Variants in PLCH1 observed in about 807,000 individuals in gnomAD.
The protein encoded by PLCH1 is 1-phosphatidylinositol 4,5-bisphosphate phosphodiesterase eta-1.
PLCH1 carries 60 observed loss-of-function variants against 126.7 expected under a neutral mutation model. That is an observed-to-expected ratio of 0.47 (90% CI 0.38 to 0.59). The LOEUF (loss-of-function observed/expected upper bound fraction) is 0.59. PLCH1 is among the 20% of genes least tolerant of loss of function. The pLI is 0.00. For missense variants in PLCH1, 1,723 were observed against 2,040.0 expected, an observed-to-expected ratio of 0.84 and a Z score of 2.99; for synonymous variants, 719 against 734.9, an observed-to-expected ratio of 0.98 and a Z score of 0.35.
At chr3:155,590,127 G>C (rs1348820500) in intron 4 of PLCH1, among the ~76,000 whole-genome samples, 1 of 152,130 alleles carries the variant, frequency 6.6e-6, no homozygotes, top group Non-Finnish European at 1.5e-5. Context: ...AGACTGGATG[G>C]ATTTTCTCAT....
intron 8 of PLCH1, among the ~76,000 whole-genome samples, chr3:155,561,070 A>G (rs1159054680): frequency 6.6e-6 from 1 of 151,986 alleles, no homozygotes; most frequent in Non-Finnish European, 1.5e-5. Flanking sequence ...TTTGAAGCTT[A>G]TTCTATCCAG....
rs1731334348 is a variant in PLCH1, at chr3:155,586,115, G to T, written c.550C>A (p.His184Asn). Residue 184 changes from histidine to asparagine, a missense_variant, in exon 5 of 23, where the codon CAT becomes AAT. Coordinates refer to ENST00000460012, the MANE Select transcript of PLCH1 (RefSeq NM_014996.4). ...LNIEEIHQLM[H>N]KLNVNLPRRK... ...CGGGGCAGATTAACATTCAGTTTAT[G>T]CATCAGCTGATGTATCTCTTCAATA... The T allele has an allele frequency of 1.2e-6, 2 of 1,612,690 alleles. No individual in the cohort carries two copies. The highest frequency in any genetic ancestry group is 2.7e-5 in the African/African-American group (2 of 74,890).
chr3:155,619,399 A>T (rs1455448077), intron 2 of PLCH1, among the ~76,000 whole-genome samples: 1 of 151,724 alleles, frequency 6.6e-6, no homozygotes, highest in African/African-American at 2.4e-5. Context: ...TACTCCAACA[A>T]ATTCATATAC....
intron 7 of PLCH1, among the ~76,000 whole-genome samples, chr3:155,565,655 C>T (rs1728247634): frequency 6.6e-6 from 1 of 151,704 alleles, no homozygotes; most frequent in Non-Finnish European, 1.5e-5. Context: ...TACCTAGCCT[C>T]GGGTATTTCT....
At chr3:155,637,630 CA>C (rs1279957442) in intron 2 of PLCH1, among the ~76,000 whole-genome samples, 6 of 152,172 alleles carry the variant, frequency 3.9e-5, no homozygotes, top group African/African-American at 1.4e-4. Context: ...TTTATTTCCT[CA>C]GACAGCAAAT....
chr3:155,594,208 C>G, intron 3 of PLCH1, 24 bp from the exon 4 acceptor site: 1 of 1,602,830 alleles, frequency 6.2e-7, no homozygotes, highest in Non-Finnish European at 8.5e-7. Context: ...GAGATACACA[C>G]AGTTATACAG....
Position 155,480,608 on chromosome 3 carries a change from A to G in PLCH1, c.*360T>C, listed in dbSNP as rs1335213691. ...CTCTTAATCAACTCAACAGTTAGAG[A>G]GTAAAAATGACTACATTTGTGACTG... On this transcript the variant is annotated 3_prime_UTR_variant, in exon 23 of 23. Transcript: ENST00000460012. 5.5e-6 allele frequency: 1 copy of G among 182,022 alleles called. No individual in the cohort carries two copies. The highest frequency in any genetic ancestry group is 1.2e-5 in the Non-Finnish European group (1 of 86,070). 11.3% of individuals were successfully genotyped at this position (182,022 alleles called of 1,614,324 possible). A position where few individuals can be genotyped will look rare whatever the true frequency, so the allele number is the denominator to read the frequency against.
intron 4 of PLCH1, among the ~76,000 whole-genome samples, chr3:155,592,033 A>G (rs974779454): frequency 6.6e-6 from 1 of 152,106 alleles, no homozygotes; most frequent in Non-Finnish European, 1.5e-5. Context: ...GAGTGAAAAA[A>G]AGAGAGAGAT....
chr3:155,616,993 A>T (rs1249553063), intron 2 of PLCH1, among the ~76,000 whole-genome samples: 1 of 152,192 alleles, frequency 6.6e-6, no homozygotes, highest in African/African-American at 2.4e-5. Flanking sequence ...AATTTAATTT[A>T]AATCACATGG....
At chr3:155,600,405 A>G (rs906230495) in intron 2 of PLCH1, among the ~76,000 whole-genome samples, 1 of 152,226 alleles carries the variant, frequency 6.6e-6, no homozygotes, top group Non-Finnish European at 1.5e-5. Context: ...ATAAAAGAGA[A>G]TAAGAATGGC....
In PLCH1 at chr3:155,482,025, T is replaced by C. The variant is rs1248022355; in HGVS notation, c.4001A>G (p.Glu1334Gly). The change falls in exon 23 of 23, where the codon GAG becomes GGG. Residue 1334 changes from glutamate to glycine, a missense_variant. This residue lies in a region of PLCH1 where 947 missense variants were observed against 977.1 expected (regional missense o/e 0.97). Coordinates refer to ENST00000460012, the MANE Select transcript of PLCH1 (RefSeq NM_014996.4). ...SPASSPDLTL[E>G]DVIADPTLCF... ...GAGAGTGGGATCAGCTATTACATCC[T>C]CCAGGGTCAAATCAGGGGAAGAGGC... 3.1e-6 allele frequency: 5 copies of C among 1,614,022 alleles called. No homozygotes were observed. Among genetic ancestry groups the C allele is most frequent in the Non-Finnish European group, 4.2e-6 (5 of 1,180,006 alleles).
chr3:155,627,559 G>A (rs961852075), intron 2 of PLCH1, among the ~76,000 whole-genome samples: 2 of 151,628 alleles, frequency 1.3e-5, no homozygotes, highest in African/African-American at 4.8e-5. Context: ...GCATGAATCC[G>A]GGAGGCAGAG....
intron 1 of PLCH1, among the ~76,000 whole-genome samples, chr3:155,717,923 G>A (rs1219799241): frequency 6.6e-6 from 1 of 152,164 alleles, no homozygotes; most frequent in Non-Finnish European, 1.5e-5. Context: ...AGGCCAGGCT[G>A]TGAATTTTCC....
intron 2 of PLCH1, among the ~76,000 whole-genome samples, chr3:155,641,096 T>C (rs1739339885): frequency 6.6e-6 from 1 of 152,004 alleles, no homozygotes. Context: ...GAGACTATCA[T>C]GGCTCTGCAA....
chr3:155,661,906 C>T (rs1391081034), intron 2 of PLCH1, among the ~76,000 whole-genome samples: 1 of 152,196 alleles, frequency 6.6e-6, no homozygotes, highest in Non-Finnish European at 1.5e-5. Flanking sequence ...CTTCCTACTT[C>T]TTCAAGCATT....
At chr3:155,686,207 T>TA (rs1744927079) in intron 2 of PLCH1, among the ~76,000 whole-genome samples, 1 of 152,004 alleles carries the variant, frequency 6.6e-6, no homozygotes, top group Non-Finnish European at 1.5e-5. Context: ...TAACATAACA[T>TA]AAAGTCCCAT....
chr3:155,559,034 T>G (rs1214953156), intron 8 of PLCH1, among the ~76,000 whole-genome samples: 2 of 152,172 alleles, frequency 1.3e-5, no homozygotes, highest in African/African-American at 4.8e-5. Flanking sequence ...CTCTATGTTG[T>G]GCTCCTCACT....
chr3:155,612,972 CA>C (rs1735329344), intron 2 of PLCH1, among the ~76,000 whole-genome samples: 1 of 136,440 alleles, frequency 7.3e-6, no homozygotes, highest in African/African-American at 2.8e-5. Flanking sequence ...AGAGATATTA[CA>C]ATCAATAATA....
chr3:155,474,452 A>G (rs1249729921), intron 21 of PLCH1, among the ~76,000 whole-genome samples: 7 of 145,866 alleles, frequency 4.8e-5, no homozygotes, highest in African/African-American at 1.3e-4. Flanking sequence ...GATGTGGAGA[A>G]ATAGGAACAC....
Sources: allele counts gnomAD v4.1 joint callset (sites outside exome capture counted in the v4.1 genomes callset), GRCh38; gene constraint gnomAD v4.1.1; regional missense constraint gnomAD v4.1.1; transcripts MANE v1.5; gene names NCBI Gene and HGNC (gene_info 2026-07-23, HGNC 2026-07-21).